The following CHN2 variants were observed in gnomAD, a reference collection of about 807,000 sequenced individuals.
The protein encoded by CHN2 is beta-chimaerin.
CHN2 carries 35 observed loss-of-function variants against 56.3 expected under a neutral mutation model. The ratio of observed to expected loss-of-function variants is 0.62; its 90% CI spans 0.47 to 0.82. CHN2 has a LOEUF of 0.82. Ranked by LOEUF, CHN2 falls within the 40% of genes least tolerant of loss-of-function variation. The pLI is 0.00. For synonymous variants in CHN2, 210 were observed against 212.8 expected, an observed-to-expected ratio of 0.99 and a Z score of 0.12; for missense variants, 491 against 580.5, an observed-to-expected ratio of 0.85 and a Z score of 1.58.
intron 1 of CHN2, 52 bp from the exon 2 acceptor site, chr7:29,354,573 A>G: frequency 6.6e-7 from 1 of 1,514,158 alleles, no homozygotes; most frequent in South Asian, 1.1e-5. Context: ...ACACATGTTG[A>G]CAGCTTGACG....
At chr7:29,155,028 C>G (rs576222742) in intron 2 of CHN2, among the ~76,000 whole-genome samples, 1 of 152,160 alleles carries the variant, frequency 6.6e-6, no homozygotes, top group South Asian at 2.1e-4. Context: ...AGGGAAACTC[C>G]CCTCTTTAAA....
At chr7:29,334,492 GC>G (rs748448545) in intron 1 of CHN2, 11 of 145,754 alleles carry the variant, frequency 7.5e-5, no homozygotes, top group Non-Finnish European at 1.3e-4. Flanking sequence ...TTTCAGCCAG[GC>G]ACGGTAATCC....
At chr7:29,178,408 C>A (rs941013536) in intron 2 of CHN2, among the ~76,000 whole-genome samples, 6 of 152,140 alleles carry the variant, frequency 3.9e-5, no homozygotes, top group African/African-American at 1.2e-4. Context: ...TCCTTTGACG[C>A]CAGCTCCACT....
Position 29,512,580 on chromosome 7 carries a change from A to G in CHN2, c.1252A>G (p.Lys418Glu), listed in dbSNP as rs764218677. Reference protein sequence around the residue: ...IHLKKVTMNEKDNFMNAENLG... With the variant: ...IHLKKVTMNEEDNFMNAENLG... ...GTTTTGCAGGGTTACTATGAATGAA[A>G]AAGACAATTTCATGAATGCAGAAAA... The change falls in exon 13 of 13, where the codon AAA (lysine) becomes GAA (glutamate). Residue 418 changes from lysine (K) to glutamate (E), a missense_variant. Coordinates refer to ENST00000222792, the MANE Select transcript of CHN2 (RefSeq NM_004067.4). The G allele has an allele frequency of 6.8e-6, 11 of 1,612,454 alleles. No homozygotes were observed. The highest frequency in any genetic ancestry group is 1.7e-5 in the Admixed American group (1 of 59,628).
chr7:29,368,196 CAT>C (rs2128041148), intron 3 of CHN2, among the ~76,000 whole-genome samples: 1 of 152,216 alleles, frequency 6.6e-6, no homozygotes, highest in Admixed American at 6.5e-5. Context: ...TCAGATGTCT[CAT>C]ATTTTTAACC....
chr7:29,216,737 G>A (rs752189835), intron 1 of CHN2, among the ~76,000 whole-genome samples: 8 of 152,146 alleles, frequency 5.3e-5, no homozygotes, highest in Non-Finnish European at 5.9e-5. Flanking sequence ...CTTCTATAAA[G>A]GTAAAATAAT....
At chr7:29,306,202 C>G (rs1016629670) in intron 1 of CHN2, among the ~76,000 whole-genome samples, 1 of 152,132 alleles carries the variant, frequency 6.6e-6, no homozygotes, top group African/African-American at 2.4e-5. Flanking sequence ...GTCAATAAAT[C>G]TTTGGTCCCT....
At chr7:29,298,213 C>G (rs1026988160) in intron 1 of CHN2, among the ~76,000 whole-genome samples, 2 of 152,200 alleles carry the variant, frequency 1.3e-5, no homozygotes, top group South Asian at 2.1e-4. Flanking sequence ...GTAGCACCAC[C>G]CTTATTTATG....
At chr7:29,268,283 A>AACACACACACACACACACAC (rs145638795) in intron 1 of CHN2, among the ~76,000 whole-genome samples, 2,455 of 134,146 alleles carry the variant, frequency 0.018, 52 homozygotes, top group East Asian at 0.056. Flanking sequence ...GCTTCACCAG[A>AACACACACACACACACACAC]ACACACACAC....
intron 3 of CHN2, among the ~76,000 whole-genome samples, chr7:29,375,080 G>A (rs1799947989): frequency 6.6e-6 from 1 of 150,626 alleles, no homozygotes; most frequent in African/African-American, 2.4e-5. Context: ...AGTAGAGATG[G>A]GGTTTCTCCA....
At chr7:29,261,128 G>A (rs1211215789) in intron 1 of CHN2, among the ~76,000 whole-genome samples, 1 of 152,100 alleles carries the variant, frequency 6.6e-6, no homozygotes, top group East Asian at 1.9e-4. Flanking sequence ...TCTCTATCCA[G>A]CTAGCTATTT....
intron 1 of CHN2, among the ~76,000 whole-genome samples, chr7:29,248,069 G>A (rs892928227): frequency 6.6e-6 from 1 of 152,214 alleles, no homozygotes; most frequent in African/African-American, 2.4e-5. Context: ...GGGCGTCTGG[G>A]GCTTGGAAAG....
rs60859228 is a variant in CHN2, at chr7:29,352,350, C to CGT, written c.50-2258_50-2257dup. On this transcript the variant is annotated intron_variant, in intron 1 of 12. Coordinates refer to ENST00000222792, the MANE Select transcript of CHN2 (RefSeq NM_004067.4). ...GGATTTGCATTTGTGTGCAGTCTGT[C>CGT]GTGTGTGTGTGTGTGTGTATGTGTG... Among the ~76,000 whole-genome samples the CGT allele has an allele frequency of 1.7e-3, 248 of 149,918 alleles. 1 individual carries two copies. Among genetic ancestry groups the CGT allele is most frequent in the Admixed American group, 4.2e-3 (64 of 15,132 alleles).
chr7:29,358,707 G>A (rs1374592091), intron 2 of CHN2, among the ~76,000 whole-genome samples: 2 of 151,994 alleles, frequency 1.3e-5, no homozygotes, highest in Admixed American at 6.6e-5. Context: ...CTCGTGATCT[G>A]CCCGCCTCGG....
chr7:29,327,787 C>T (rs1303947069), intron 1 of CHN2, among the ~76,000 whole-genome samples: 5 of 152,188 alleles, frequency 3.3e-5, no homozygotes, highest in Non-Finnish European at 7.4e-5. Flanking sequence ...CAACTTGACA[C>T]ATTTAAAATT....
chr7:29,355,068 A>C (rs1798189552), intron 2 of CHN2, among the ~76,000 whole-genome samples: 1 of 151,942 alleles, frequency 6.6e-6, no homozygotes, highest in Non-Finnish European at 1.5e-5. Flanking sequence ...TCCTGGGTTC[A>C]AGCGATTCTC....
intron 1 of CHN2, among the ~76,000 whole-genome samples, chr7:29,322,903 C>T (rs551814678): frequency 6.6e-6 from 1 of 152,256 alleles, no homozygotes; most frequent in African/African-American, 2.4e-5. Flanking sequence ...TGGCTCATGC[C>T]TATAATCCCA....
At chr7:29,412,438 T>A (rs1803329466) in intron 6 of CHN2, among the ~76,000 whole-genome samples, 1 of 150,392 alleles carries the variant, frequency 6.6e-6, no homozygotes, top group Non-Finnish European at 1.5e-5. Context: ...TTCAAGTGAT[T>A]CTTCTACCTC....
intron 1 of CHN2, among the ~76,000 whole-genome samples, chr7:29,219,710 A>G (rs942076554): frequency 2.6e-5 from 4 of 152,250 alleles, no homozygotes; most frequent in Non-Finnish European, 4.4e-5. Flanking sequence ...AGCTATAACC[A>G]TATTAATATC....
Sources: allele counts gnomAD v4.1 joint callset (sites outside exome capture counted in the v4.1 genomes callset), GRCh38; gene constraint gnomAD v4.1.1; transcripts MANE v1.5; gene names NCBI Gene and HGNC (gene_info 2026-07-23, HGNC 2026-07-21).